The following HTR7 variants were observed in gnomAD, a reference collection of about 807,000 sequenced individuals.
HTR7 encodes 5-hydroxytryptamine receptor 7.
A neutral mutation model predicts 34.0 loss-of-function variants in HTR7; 16 were observed. That is an observed-to-expected ratio of 0.47 (90% CI 0.32 to 0.71). The LOEUF (loss-of-function observed/expected upper bound fraction) is 0.71, where lower values mean the gene tolerates loss of function less well. Ranked by LOEUF, HTR7 falls within the 30% of genes least tolerant of loss-of-function variation. HTR7 has a pLI of 0.04. For missense variants in HTR7, 504 were observed against 625.5 expected, an observed-to-expected ratio of 0.81 and a Z score of 2.07; for synonymous variants, 265 against 260.2, an observed-to-expected ratio of 1.02 and a Z score of -0.18.
At chr10:90,748,688 G>T in intron 2 of HTR7, 151 bp downstream of exon 2, 2 of 824,408 alleles carry the variant, frequency 2.4e-6, no homozygotes, top group Non-Finnish European at 1.8e-6. Flanking sequence ...CTGGGTGGAA[G>T]ACTGGAGTCT....
At chr10:90,782,551 C>T (rs968561739) in intron 1 of HTR7, among the ~76,000 whole-genome samples, 1 of 151,996 alleles carries the variant, frequency 6.6e-6, no homozygotes, top group African/African-American at 2.4e-5. Context: ...TAGAATCATG[C>T]CCCATCACCT....
chr10:90,856,764 T>TA (rs1200723519), intron 1 of HTR7, among the ~76,000 whole-genome samples: 3 of 152,184 alleles, frequency 2.0e-5, no homozygotes, highest in African/African-American at 7.2e-5. Context: ...TATTATTTTT[T>TA]AATGACTCTT....
chr10:90,839,951 A>C (rs1020709321), intron 1 of HTR7, among the ~76,000 whole-genome samples: 1 of 151,978 alleles, frequency 6.6e-6, no homozygotes, highest in Non-Finnish European at 1.5e-5. Context: ...AAATAGTCTT[A>C]ATTTACCCTC....
intron 1 of HTR7, among the ~76,000 whole-genome samples, chr10:90,758,817 A>G (rs1312508848): frequency 6.6e-6 from 1 of 152,224 alleles, no homozygotes; most frequent in African/African-American, 2.4e-5. Flanking sequence ...GGTAGAAAAA[A>G]AATCAGGCTG....
intron 1 of HTR7, among the ~76,000 whole-genome samples, chr10:90,831,554 T>G (rs147579700): frequency 2.0e-5 from 3 of 152,160 alleles, no homozygotes; most frequent in African/African-American, 7.2e-5. Flanking sequence ...GCTTCCAAAC[T>G]GTGGAAAGGG....
chr10:90,786,993 C>T (rs1381486759), intron 1 of HTR7, among the ~76,000 whole-genome samples: 2 of 151,988 alleles, frequency 1.3e-5, no homozygotes, highest in African/African-American at 4.9e-5. Context: ...TAAGATACCT[C>T]TTTAGAATGA....
intron 1 of HTR7, among the ~76,000 whole-genome samples, chr10:90,804,568 C>T (rs1157140292): frequency 2.0e-5 from 3 of 152,096 alleles, no homozygotes; most frequent in African/African-American, 7.2e-5. Context: ...AGCTCAGCAG[C>T]TGAGCAAAAC....
chr10:90,820,157 A>G (rs1845956085), intron 1 of HTR7, among the ~76,000 whole-genome samples: 1 of 152,210 alleles, frequency 6.6e-6, no homozygotes, highest in Admixed American at 6.5e-5. Flanking sequence ...CACAGTCTTT[A>G]GGCTGTGAAA....
At chr10:90,842,466 T>C (rs1189652144) in intron 1 of HTR7, among the ~76,000 whole-genome samples, 1 of 152,214 alleles carries the variant, frequency 6.6e-6, no homozygotes, top group East Asian at 1.9e-4. Context: ...CACTCCTTTC[T>C]TGCTGTGTAC....
intron 1 of HTR7, among the ~76,000 whole-genome samples, chr10:90,769,729 A>G (rs1209169779): frequency 6.6e-6 from 1 of 152,272 alleles, no homozygotes; most frequent in Non-Finnish European, 1.5e-5. Flanking sequence ...ATTCCAACCT[A>G]GAAAAGGAAT....
chr10:90,765,870 G>A (rs1845012786), intron 1 of HTR7, among the ~76,000 whole-genome samples: 1 of 152,084 alleles, frequency 6.6e-6, no homozygotes, highest in Non-Finnish European at 1.5e-5. Context: ...TCATACCACT[G>A]TGTTCAGAAA....
intron 1 of HTR7, among the ~76,000 whole-genome samples, chr10:90,841,495 C>T (rs1003402621): frequency 6.6e-5 from 10 of 152,250 alleles, no homozygotes; most frequent in African/African-American, 2.4e-4. Context: ...TCACCTTTTC[C>T]GTCTTTTAGA....
chr10:90,760,629 C>A (rs1392081252), intron 1 of HTR7, among the ~76,000 whole-genome samples: 1 of 152,142 alleles, frequency 6.6e-6, no homozygotes, highest in Non-Finnish European at 1.5e-5. Context: ...CCTGTAATCC[C>A]CGCAATTTGG....
chr10:90,851,671 A>C (rs1846502752), intron 1 of HTR7, among the ~76,000 whole-genome samples: 1 of 151,044 alleles, frequency 6.6e-6, no homozygotes, highest in Non-Finnish European at 1.5e-5. Context: ...GTAAGAATTG[A>C]GAGGATTTGT....
Position 90,857,836 on chromosome 10 carries a change from C to T in HTR7, c.-165G>A. 1.7e-6 allele frequency: 1 copy of T among 598,910 alleles called. No homozygotes were observed. The highest frequency in any genetic ancestry group is 2.4e-6 in the Non-Finnish European group (1 of 415,616). 37.1% of individuals were successfully genotyped at this position (598,910 alleles called of 1,614,324 possible). On this transcript the variant is annotated 5_prime_UTR_variant, in exon 1 of 4. Transcript: ENST00000336152. The surrounding 1 kb of genome is among the most constrained non-coding windows in gnomAD (Gnocchi z 6.5). ...GCTCTGTCTCGGAGCCCCGCACTCC[C>T]CGGACCCCCGGCCGCTGCGGGTAAC... is the stretch of plus-strand genomic sequence containing the variant.
At chr10:90,817,925 A>T (rs2119996241) in intron 1 of HTR7, among the ~76,000 whole-genome samples, 1 of 152,358 alleles carries the variant, frequency 6.6e-6, no homozygotes, top group Middle Eastern at 3.4e-3. Flanking sequence ...ATATCCATGA[A>T]CCTCAAAACT....
In HTR7 at chr10:90,857,472, G is replaced by A; in HGVS notation, c.200C>T (p.Ala67Val). Residue 67 changes from alanine (A) to valine (V), a missense_variant, in exon 1 of 4, where the codon GCC becomes GTC. This residue lies in a region of HTR7 where 139 missense variants were observed against 117.1 expected (regional missense o/e 1.19). Coordinates refer to ENST00000336152, the MANE Select transcript of HTR7 (RefSeq NM_019859.4). This position sits in a 1 kb window ranked among gnomAD's most constrained non-coding sequence, Gnocchi z 6.5. ...APTWDAPPDN[A>V]SGCGEQINYG... ...GTTGATCTGTTCCCCACAGCCGGAG[G>A]CATTGTCCGGGGGCGCGTCCCAGGT... The A allele has an allele frequency of 6.2e-7, 1 of 1,613,802 alleles. No individual in the cohort carries two copies. Among genetic ancestry groups the A allele is most frequent in the Non-Finnish European group, 8.5e-7 (1 of 1,180,022 alleles).
chr10:90,749,713 A>G lies in HTR7; in HGVS notation c.540-119T>C. On this transcript the variant is annotated intron_variant, in intron 1 of 3. Transcript: ENST00000336152. This position sits in a 1 kb window ranked among gnomAD's most constrained non-coding sequence, Gnocchi z 4.2. ...GCAACAGCCCTTCTAGGTAGGCATC[A>G]TTACTCCCATTTTGCAGAAAGGTAA... 1.2e-6 allele frequency: 1 copy of G among 857,516 alleles called. No individual in the cohort carries two copies. 53.1% of individuals were successfully genotyped at this position (857,516 alleles called of 1,614,324 possible).
At chr10:90,753,373 AAG>A (rs150993996) in intron 1 of HTR7, among the ~76,000 whole-genome samples, 38 of 150,058 alleles carry the variant, frequency 2.5e-4, no homozygotes, top group East Asian at 3.9e-4. Flanking sequence ...CTCTATTTTA[AAG>A]AGAGAGAGAG....
Sources: gnomAD v4.1 joint callset for allele counts (sites outside exome capture counted in the v4.1 genomes callset) on GRCh38, gnomAD v4.1.1 for gene constraint, gnomAD v4.1.1 regional missense constraint, Gnocchi (gnomAD v3.1) non-coding constraint, MANE v1.5 for transcripts, NCBI Gene and HGNC (gene_info 2026-07-23, HGNC 2026-07-21) for gene names.